The following ACOXL variants were observed in gnomAD, a reference collection of about 807,000 sequenced individuals.
ACOXL encodes the protein acyl-coenzyme A oxidase-like protein.
A neutral mutation model predicts 71.9 loss-of-function variants in ACOXL; 70 were observed. The ratio of observed to expected loss-of-function variants is 0.97; its 90% CI spans 0.80 to 1.19. The LOEUF (loss-of-function observed/expected upper bound fraction) is 1.19, where lower values mean the gene tolerates loss of function less well. Among genes scored for constraint, ACOXL ranks in the 50% most tolerant of loss-of-function variants. The pLI, the probability that ACOXL is intolerant of heterozygous loss-of-function variation, is 0.00. For missense variants in ACOXL, 703 were observed against 736.3 expected, an observed-to-expected ratio of 0.95 and a Z score of 0.52; for synonymous variants, 253 against 281.6, an observed-to-expected ratio of 0.90 and a Z score of 1.02.
At chr2:110,766,014 C>T (rs1681013660) in intron 1 of ACOXL, among the ~76,000 whole-genome samples, 1 of 152,108 alleles carries the variant, frequency 6.6e-6, no homozygotes, top group South Asian at 2.1e-4. Context: ...ACTTGCACTT[C>T]TTTGATACAA....
At chr2:110,807,184 G>C (rs1419786617) in intron 9 of ACOXL, among the ~76,000 whole-genome samples, 6 of 152,198 alleles carry the variant, frequency 3.9e-5, no homozygotes, top group Non-Finnish European at 7.3e-5. Flanking sequence ...GGAAAGCCCT[G>C]GGCTCAGCCC....
Position 111,080,600 on chromosome 2 carries a change from G to T in ACOXL, c.1441-12265G>T, listed in dbSNP as rs182664277. ...CAAATTCTACCAGAGGTACAAAGGG[G>T]AGCTGGTACCGTTCCTTCTGAAACT... On this transcript the variant is annotated intron_variant, in intron 16 of 17. Coordinates refer to ENST00000439055, the MANE Select transcript of ACOXL (RefSeq NM_001142807.4). Among the ~76,000 whole-genome samples the T allele has an allele frequency of 2.4e-3, 367 of 152,248 alleles. 2 individuals carry two copies. The highest frequency in any genetic ancestry group is 8.5e-3 in the African/African-American group (351 of 41,534).
At chr2:110,880,153 C>CAA (rs56852121) in intron 10 of ACOXL, among the ~76,000 whole-genome samples, 116 of 84,664 alleles carry the variant, frequency 1.4e-3, no homozygotes, top group African/African-American at 2.5e-3. Flanking sequence ...CTGTCACAAA[C>CAA]AAAAAAAAAA....
At chr2:111,043,353 G>T (rs1376338849) in intron 15 of ACOXL, among the ~76,000 whole-genome samples, 1 of 152,208 alleles carries the variant, frequency 6.6e-6, no homozygotes, top group East Asian at 1.9e-4. Context: ...CAAAGCCAGA[G>T]TTCTTTCTGC....
At chr2:111,069,035 A>AT (rs929909365) in intron 16 of ACOXL, among the ~76,000 whole-genome samples, 3 of 150,360 alleles carry the variant, frequency 2.0e-5, no homozygotes, top group African/African-American at 7.4e-5. Context: ...CCTATGGTGT[A>AT]TTTTTTTGCT....
chr2:111,067,945 G>A (rs981647861), intron 16 of ACOXL, among the ~76,000 whole-genome samples: 5 of 152,170 alleles, frequency 3.3e-5, no homozygotes, highest in African/African-American at 7.2e-5. Flanking sequence ...GGAGGTGGGA[G>A]AGGGAGAATC....
intron 16 of ACOXL, among the ~76,000 whole-genome samples, chr2:111,082,861 AG>A (rs1365651212): frequency 6.6e-6 from 1 of 152,268 alleles, no homozygotes; most frequent in African/African-American, 2.4e-5. Context: ...GCCATAAAAA[AG>A]GATGAGTTAA....
rs2060560370 is a variant in ACOXL, at chr2:110,933,643, G to C, written c.1059+1G>C. 1 of 1,609,656 alleles carries C rather than the reference G, an allele frequency of 6.2e-7. No homozygotes were observed. The highest frequency in any genetic ancestry group is 8.5e-7 in the Non-Finnish European group (1 of 1,178,338). On this transcript the variant is annotated splice_donor_variant, in intron 12 of 17. Transcript: ENST00000439055. LOFTEE classifies it high-confidence loss of function. ...CTGCCGCGAGTGCACTGGAGGCATG[G>C]TGAGCCCCAAGGCCTGCAGCCCCCG... is the stretch of plus-strand genomic sequence containing the variant.
intron 16 of ACOXL, among the ~76,000 whole-genome samples, chr2:111,071,543 G>A (rs2067341624): frequency 6.6e-6 from 1 of 152,232 alleles, no homozygotes; most frequent in Non-Finnish European, 1.5e-5. Context: ...CAATAATGCA[G>A]ATCCCAAGTG....
chr2:110,864,218 G>A (rs1236673940), intron 10 of ACOXL, among the ~76,000 whole-genome samples: 1 of 152,176 alleles, frequency 6.6e-6, no homozygotes, highest in Non-Finnish European at 1.5e-5. Context: ...CTTTCCCAGA[G>A]CATCTCCCAT....
intron 9 of ACOXL, among the ~76,000 whole-genome samples, chr2:110,810,995 C>T (rs186730723): frequency 6.6e-6 from 1 of 152,300 alleles, no homozygotes; most frequent in Non-Finnish European, 1.5e-5. Flanking sequence ...TCATGAGACT[C>T]ACCCACTATC....
At chr2:110,941,945 TA>T (rs2060883081) in intron 12 of ACOXL, among the ~76,000 whole-genome samples, 1 of 152,174 alleles carries the variant, frequency 6.6e-6, no homozygotes, top group South Asian at 2.1e-4. Flanking sequence ...TAAATATCTT[TA>T]AAAGATAACT....
intron 16 of ACOXL, among the ~76,000 whole-genome samples, chr2:111,086,743 A>C (rs755172913): frequency 6.6e-6 from 1 of 152,180 alleles, no homozygotes; most frequent in Non-Finnish European, 1.5e-5. Context: ...CTTGAAAACC[A>C]GCACAAGACA....
chr2:110,740,124 T>C (rs1351834604), intron 1 of ACOXL, among the ~76,000 whole-genome samples: 1 of 152,206 alleles, frequency 6.6e-6, no homozygotes, highest in Non-Finnish European at 1.5e-5. Flanking sequence ...TCTTAAACAA[T>C]GCTGCAGGGA....
chr2:110,882,382 T>A (rs183644402), intron 10 of ACOXL, among the ~76,000 whole-genome samples: 1 of 152,258 alleles, frequency 6.6e-6, no homozygotes, highest in Non-Finnish European at 1.5e-5. Flanking sequence ...TTATCAGATA[T>A]GCCTTTTGCA....
chr2:110,930,070 C>A (rs2060423652), intron 11 of ACOXL, among the ~76,000 whole-genome samples: 2 of 152,202 alleles, frequency 1.3e-5, no homozygotes, highest in African/African-American at 4.8e-5. Flanking sequence ...GTCCTCCAGA[C>A]CCTATAATGT....
intron 12 of ACOXL, among the ~76,000 whole-genome samples, chr2:110,969,438 G>A (rs573685867): frequency 6.6e-6 from 1 of 152,254 alleles, no homozygotes; most frequent in South Asian, 2.1e-4. Context: ...GATTGACAAA[G>A]TTAAAAATTA....
chr2:110,871,391 T>C (rs1482349815), intron 10 of ACOXL, among the ~76,000 whole-genome samples: 2 of 152,158 alleles, frequency 1.3e-5, no homozygotes, highest in East Asian at 1.9e-4. Context: ...GGAAATAATA[T>C]GGAAGCATTA....
chr2:110,869,133 A>C (rs1694962207), intron 10 of ACOXL, among the ~76,000 whole-genome samples: 1 of 152,198 alleles, frequency 6.6e-6, no homozygotes, highest in Admixed American at 6.5e-5. Flanking sequence ...TCTGAAGCAC[A>C]GAGAGGGTAG....
Sources: gnomAD v4.1 joint callset for allele counts (sites outside exome capture counted in the v4.1 genomes callset) on GRCh38, gnomAD v4.1.1 for gene constraint, MANE v1.5 for transcripts, NCBI Gene and HGNC (gene_info 2026-07-23, HGNC 2026-07-21) for gene names.